SLC35F3: variants seen among roughly 807,000 people sequenced by gnomAD.
SLC35F3 encodes putative thiamine transporter SLC35F3.
Under a neutral mutation model 49.9 loss-of-function variants are expected in SLC35F3, and 25 were observed. The observed-to-expected ratio is 0.50, with a 90% CI of 0.37 to 0.70. The LOEUF (loss-of-function observed/expected upper bound fraction) is 0.70. Ranked by LOEUF, SLC35F3 falls within the 30% of genes least tolerant of loss-of-function variation. The pLI is 0.00. For missense variants in SLC35F3, 525 were observed against 639.8 expected (o/e 0.82, Z 1.94); for synonymous variants, 275 against 265.4 (o/e 1.04, Z -0.35).
In SLC35F3 at chr1:234,299,655, A is replaced by G. The variant is rs571769342; in HGVS notation, c.609-9446A>G. Reference sequence around the variant, plus strand: ...CCCATCTCTACTAAAAATACAAAAAATTAGCCAGGCATGGTGGCAGGCGCC... The same window carrying G: ...CCCATCTCTACTAAAAATACAAAAAGTTAGCCAGGCATGGTGGCAGGCGCC... On this transcript the variant is annotated intron_variant, in intron 3 of 7. Transcript: ENST00000366618. 2.0e-3 allele frequency among the ~76,000 whole-genome samples: 306 copies of G among 151,994 alleles called. 1 individual carries two copies. Among genetic ancestry groups the G allele is most frequent in the Non-Finnish European group, 3.5e-3 (235 of 67,956 alleles).
chr1:234,312,713 G>A (rs1474038551), intron 4 of SLC35F3, among the ~76,000 whole-genome samples: 2 of 152,148 alleles, frequency 1.3e-5, no homozygotes, highest in African/African-American at 4.8e-5. Flanking sequence ...AAAGAGTTGG[G>A]GGAAGAATGA....
chr1:234,149,375 A>G (rs1286505617), intron 2 of SLC35F3, among the ~76,000 whole-genome samples: 1 of 152,192 alleles, frequency 6.6e-6, no homozygotes, highest in Non-Finnish European at 1.5e-5. Context: ...CAGCGCCCAC[A>G]TTTTTAGTTA....
intron 2 of SLC35F3, among the ~76,000 whole-genome samples, chr1:234,128,434 G>A (rs1204420714): frequency 6.6e-6 from 1 of 152,188 alleles, no homozygotes; most frequent in Non-Finnish European, 1.5e-5. Flanking sequence ...GGGTTAGAAG[G>A]TGCTGGCCAG....
intron 3 of SLC35F3, among the ~76,000 whole-genome samples, chr1:234,293,942 A>G (rs1668550333): frequency 6.6e-6 from 1 of 152,230 alleles, no homozygotes; most frequent in African/African-American, 2.4e-5. Flanking sequence ...GAGACCAGGA[A>G]AACACAGCCT....
At chr1:233,944,440 A>C (rs1662480726) in intron 2 of SLC35F3, among the ~76,000 whole-genome samples, 1 of 152,138 alleles carries the variant, frequency 6.6e-6, no homozygotes, top group Admixed American at 6.5e-5. Context: ...TACAATTCTC[A>C]ATATTTTCTA....
rs922748726 is a variant in SLC35F3 at position 234,187,018 on chromosome 1, C to G, written c.284-44399C>G. Among the ~76,000 whole-genome samples the G allele has an allele frequency of 1.3e-5, 2 of 152,154 alleles. 1 individual carries two copies. The highest frequency in any genetic ancestry group is 2.9e-5 in the Non-Finnish European group (2 of 68,014). ...GGTACTCTAGCTTTTCCTGCCCTCC[C>G]TTGCACAGCCAGACCTCCTGGCTCT... On this transcript the variant is annotated intron_variant, in intron 2 of 7. Transcript: ENST00000366618.
intron 2 of SLC35F3, among the ~76,000 whole-genome samples, chr1:233,971,454 G>C (rs568437620): frequency 6.6e-6 from 1 of 152,346 alleles, no homozygotes; most frequent in Non-Finnish European, 1.5e-5. Flanking sequence ...GGTGGCTCAC[G>C]CACAGGCGTG....
chr1:233,958,627 T>C (rs1432382089), intron 2 of SLC35F3, among the ~76,000 whole-genome samples: 4 of 152,224 alleles, frequency 2.6e-5, no homozygotes, highest in Admixed American at 2.6e-4. Flanking sequence ...GGATGTGTTG[T>C]GAGAGATAAT....
chr1:234,107,516 A>G (rs975113977), intron 2 of SLC35F3, among the ~76,000 whole-genome samples: 8 of 152,164 alleles, frequency 5.3e-5, no homozygotes, highest in African/African-American at 1.9e-4. Flanking sequence ...AATTTAATCT[A>G]CCACTTCAGC....
At chr1:233,995,463 G>A (rs1301250528) in intron 2 of SLC35F3, among the ~76,000 whole-genome samples, 1 of 152,162 alleles carries the variant, frequency 6.6e-6, no homozygotes, top group African/African-American at 2.4e-5. Flanking sequence ...ATTCATGGGC[G>A]AGCATTTATT....
chr1:234,204,309 A>G (rs777803084), intron 2 of SLC35F3, among the ~76,000 whole-genome samples: 2 of 150,450 alleles, frequency 1.3e-5, no homozygotes. Context: ...TCAGCAGTAC[A>G]TGGAATTTCT....
At chr1:233,946,438 A>G (rs1440423437) in intron 2 of SLC35F3, among the ~76,000 whole-genome samples, 2 of 152,276 alleles carry the variant, frequency 1.3e-5, no homozygotes, top group African/African-American at 2.4e-5. Context: ...TCGAATGAAT[A>G]TAATCCAAGC....
intron 2 of SLC35F3, among the ~76,000 whole-genome samples, chr1:234,172,014 T>C (rs1666406725): frequency 6.6e-6 from 1 of 151,842 alleles, no homozygotes; most frequent in African/African-American, 2.4e-5. Flanking sequence ...CAGTGAAAAG[T>C]GAGAAGGAAT....
In SLC35F3 at chr1:234,297,712, CCAGCCTGGGTGA is replaced by C. The variant is rs569701216; in HGVS notation, c.609-11385_609-11374del. Among the ~76,000 whole-genome samples the C allele has an allele frequency of 5.1e-4, 77 of 150,652 alleles. No individual in the cohort carries two copies. In the East Asian group the frequency reaches 0.014, roughly 27 times the overall value. On this transcript the variant is annotated intron_variant, in intron 3 of 7. Transcript: ENST00000366618. ...TGAGCCATGATCATGCCACTGCACT[CCAGCCTGGGTGA>C]CAGAGCAATACCCTGTCTCAAAAAA...
intron 2 of SLC35F3, among the ~76,000 whole-genome samples, chr1:233,968,816 C>T (rs902096451): frequency 6.6e-6 from 1 of 152,092 alleles, no homozygotes; most frequent in Admixed American, 6.6e-5. Context: ...CATCCCCCTC[C>T]CACTCTCCCT....
chr1:234,107,767 A>C (rs994915302), intron 2 of SLC35F3, among the ~76,000 whole-genome samples: 1 of 152,220 alleles, frequency 6.6e-6, no homozygotes. Flanking sequence ...AAAGCATTAA[A>C]AGACAGCTCG....
In SLC35F3 at chr1:234,013,851, C is replaced by CAA. The variant is rs58366458; in HGVS notation, c.283+108105_283+108106dup. Among the ~76,000 whole-genome samples, 77 of 139,346 alleles carry CAA rather than the reference C, an allele frequency of 5.5e-4. 1 individual carries two copies. Among genetic ancestry groups the CAA allele is most frequent in the African/African-American group, 1.7e-3 (66 of 38,984 alleles). 91.4% of individuals were successfully genotyped at this position (139,346 alleles called of 152,430 possible). A position where few individuals can be genotyped will look rare whatever the true frequency, so the allele number is the denominator to read the frequency against. On this transcript the variant is annotated intron_variant, in intron 2 of 7. Transcript: ENST00000366618. ...GAGTTAGTAATAAAAACTTTCCCAT[C>CAA]AAAAAAAAAAAAAGAGCCCAGAGCT...
chr1:234,154,327 C>A (rs1666119481), intron 2 of SLC35F3, among the ~76,000 whole-genome samples: 1 of 152,166 alleles, frequency 6.6e-6, no homozygotes, highest in South Asian at 2.1e-4. Flanking sequence ...TAAGCACACA[C>A]CCTAATGTCT....
intron 2 of SLC35F3, among the ~76,000 whole-genome samples, chr1:233,962,662 T>G (rs1271964771): frequency 4.6e-5 from 7 of 152,244 alleles, no homozygotes; most frequent in Non-Finnish European, 1.0e-4. Flanking sequence ...AGTTGCTTCA[T>G]TCAACGTTTC....
Sources: allele counts gnomAD v4.1 joint callset (sites outside exome capture counted in the v4.1 genomes callset), GRCh38; gene constraint gnomAD v4.1.1; transcripts MANE v1.5; gene names NCBI Gene and HGNC (gene_info 2026-07-23, HGNC 2026-07-21).